SLC14A2: variants seen among roughly 807,000 people sequenced by gnomAD.
SLC14A2 encodes urea transporter 2.
A neutral mutation model predicts 104.6 loss-of-function variants in SLC14A2; 91 were observed. The ratio of observed to expected loss-of-function variants is 0.87; its 90% CI spans 0.73 to 1.04. SLC14A2 has a LOEUF of 1.04. SLC14A2 is among the 50% of genes least tolerant of loss of function. SLC14A2 has a pLI of 0.00. For missense variants in SLC14A2, 1,189 were observed against 1,156.0 expected (o/e 1.03, Z -0.41); for synonymous variants, 476 against 466.4 (o/e 1.02, Z -0.27).
At position 45,575,325 on chromosome 18, in the gene SLC14A2, C is replaced by T. The variant is rs146495517; in HGVS notation, c.-34-49306C>T. Among the ~76,000 whole-genome samples, 24 of 152,258 alleles carry T rather than the reference C, an allele frequency of 1.6e-4. No homozygotes were observed. The East Asian group carries it at 3.7e-3, about 23-fold the overall frequency. On this transcript the variant is annotated intron_variant, in intron 2 of 20. Transcript: ENST00000586448. ...TTTCTCCCCATGTTATAAGTTTCTC[C>T]CTTCTAGCTGGTGATGGAAGGGTCA...
the SLC14A2 span, among the ~76,000 whole-genome samples, chr18:45,202,614 T>G: frequency 1.3e-5 from 2 of 152,180 alleles, no homozygotes; most frequent in Non-Finnish European, 2.9e-5. Context: ...CTTCTAGTTT[T>G]AAGTTACTTC....
intron 10 of SLC14A2, among the ~76,000 whole-genome samples, chr18:45,648,722 T>C (rs1458807642): frequency 6.9e-6 from 1 of 145,174 alleles, no homozygotes; most frequent in African/African-American, 2.5e-5. Flanking sequence ...AGTTAACCTT[T>C]TCACATCTTA....
chr18:45,425,035 A>G lies in SLC14A2; in HGVS notation c.-124-58198A>G, dbSNP rs377201671. Among the ~76,000 whole-genome samples, 157 of 152,348 alleles carry G rather than the reference A, an allele frequency of 1.0e-3. 3 individuals carry two copies. The East Asian group carries it at 0.016, about 15-fold the overall frequency. ...AGAGCACCCATGTTTCACCAAGCAC[A>G]TCCCAGACATGGCTGCCTAATGGCA... is the stretch of plus-strand genomic sequence containing the variant. On this transcript the variant is annotated intron_variant, in intron 1 of 20. Coordinates refer to the SLC14A2 transcript ENST00000586448.
intron 1 of SLC14A2, chr18:45,435,148 T>C (rs2086576435): frequency 6.6e-6 from 1 of 152,230 alleles, no homozygotes; most frequent in Non-Finnish European, 1.5e-5. Flanking sequence ...TTCTCTGCAA[T>C]CAGGTCCTCT....
chr18:45,354,083 G>C (rs1305298037), intron 1 of SLC14A2, among the ~76,000 whole-genome samples: 1 of 151,992 alleles, frequency 6.6e-6, no homozygotes, highest in Admixed American at 6.5e-5. Context: ...TTTCGCAGGG[G>C]GTAGAGTTGA....
rs149041896 is a variant in SLC14A2, at chr18:45,433,597, G to A, written c.-124-49636G>A. ...CTGGGTTAAAAAGATCTAGAAAACTGGAAACAGGTGACACAATATCCAGCC... is the reference window on the plus strand; with the variant it reads ...CTGGGTTAAAAAGATCTAGAAAACTAGAAACAGGTGACACAATATCCAGCC... On this transcript the variant is annotated intron_variant, in intron 1 of 20. Transcript: ENST00000586448. Among the ~76,000 whole-genome samples the A allele has an allele frequency of 2.7e-3, 418 of 152,266 alleles. 2 individuals carry two copies. Among genetic ancestry groups the A allele is most frequent in the African/African-American group, 9.3e-3 (386 of 41,562 alleles).
chr18:45,279,539 TG>T (rs1283693084), intron 1 of SLC14A2, among the ~76,000 whole-genome samples: 4 of 152,078 alleles, frequency 2.6e-5, no homozygotes, highest in African/African-American at 9.7e-5. Flanking sequence ...TGGGTTTTGT[TG>T]GGGGGTGGGG....
chr18:45,195,220 G>A, the SLC14A2 span, among the ~76,000 whole-genome samples: 1 of 152,192 alleles, frequency 6.6e-6, no homozygotes, highest in East Asian at 1.9e-4. Flanking sequence ...TGTTTCATAA[G>A]GAGTGTAGAC....
chr18:45,506,712 C>A (rs1452277364), intron 2 of SLC14A2, among the ~76,000 whole-genome samples: 2 of 152,178 alleles, frequency 1.3e-5, no homozygotes, highest in African/African-American at 4.8e-5. Flanking sequence ...ATGGCCCTGC[C>A]AACACCTTAG....
At chr18:45,678,233 G>A (rs2046257735) in intron 18 of SLC14A2, among the ~76,000 whole-genome samples, 2 of 152,156 alleles carry the variant, frequency 1.3e-5, no homozygotes, top group Non-Finnish European at 2.9e-5. Flanking sequence ...TCACCTCTCT[G>A]AGCCTCAGTT....
intron 1 of SLC14A2, among the ~76,000 whole-genome samples, chr18:45,339,968 G>T (rs538976559): frequency 2.0e-5 from 3 of 152,346 alleles, no homozygotes; most frequent in Admixed American, 6.5e-5. Flanking sequence ...ACGTGAAGAA[G>T]CTGATGAAAC....
chr18:45,545,657 AGATCAT>A (rs1195706046), intron 2 of SLC14A2, among the ~76,000 whole-genome samples: 1 of 152,200 alleles, frequency 6.6e-6, no homozygotes, highest in Admixed American at 6.5e-5. Flanking sequence ...TTTTAACAGT[AGATCAT>A]GCTACACTTG....
intron 4 of SLC14A2, 113 bp downstream of exon 4, chr18:45,627,260 T>C (rs2045274556): frequency 3.4e-6 from 3 of 890,284 alleles, no homozygotes; most frequent in Non-Finnish European, 5.3e-6. Context: ...GTCTCCTGAG[T>C]ATCAACTTTA....
At chr18:45,320,829 C>T (rs1204894362) in intron 1 of SLC14A2, among the ~76,000 whole-genome samples, 3 of 152,236 alleles carry the variant, frequency 2.0e-5, no homozygotes, top group African/African-American at 7.2e-5. Flanking sequence ...GGATACATCG[C>T]TACAACACCC....
chr18:45,567,329 CAG>C (rs1463088894), intron 2 of SLC14A2, among the ~76,000 whole-genome samples: 7 of 152,062 alleles, frequency 4.6e-5, no homozygotes, highest in African/African-American at 1.7e-4. Flanking sequence ...CCCAGACAGA[CAG>C]AGTGTGGAAA....
chr18:45,496,096 G>C (rs1466383468), intron 2 of SLC14A2, among the ~76,000 whole-genome samples: 2 of 152,178 alleles, frequency 1.3e-5, no homozygotes, highest in Non-Finnish European at 2.9e-5. Flanking sequence ...AATGAGCAGA[G>C]ATGATTCCCA....
chr18:45,591,549 C>A lies in SLC14A2; in HGVS notation c.-34-33082C>A, dbSNP rs567956021. Among the ~76,000 whole-genome samples, 4 of 152,288 alleles carry A rather than the reference C, an allele frequency of 2.6e-5. No homozygotes were observed. The South Asian group carries it at 8.3e-4, about 32-fold the overall frequency. ...ACAGGGTTTCACCATCTTGGCCAGG[C>A]TGGTCTTGAACTCCTGACCTCGTGA... On this transcript the variant is annotated intron_variant, in intron 2 of 20. Coordinates refer to the SLC14A2 transcript ENST00000586448.
intron 1 of SLC14A2, among the ~76,000 whole-genome samples, chr18:45,229,772 T>G (rs1282949761): frequency 1.3e-5 from 2 of 152,172 alleles, no homozygotes; most frequent in African/African-American, 2.4e-5. Context: ...AAATCCTGCT[T>G]ACCAGTTCAA....
Position 45,667,967 on chromosome 18 carries a change from G to T in SLC14A2, c.1852G>T (p.Gly618Cys). The change falls in exon 14 of 20, where the codon GGC becomes TGC. Residue 618 changes from glycine (G) to cysteine (C), a missense_variant. By Grantham distance (159) the Gly-to-Cys change is radical (BLOSUM62 -3). Transcript: ENST00000255226. ...CCAGAACCCCTGGTGGGCGATCTCA[G>T]GCTGCCTGGGTACCATCATGTCCAC... ...FIQNPWWAIS[G>C]CLGTIMSTLT... 3 of 1,614,100 alleles carry T rather than the reference G, an allele frequency of 1.9e-6. No homozygotes were observed. The South Asian group carries it at 3.3e-5, about 18-fold the overall frequency.
Sources: allele counts gnomAD v4.1 joint callset (sites outside exome capture counted in the v4.1 genomes callset), GRCh38; gene constraint gnomAD v4.1.1; transcripts MANE v1.5; gene names NCBI Gene and HGNC (gene_info 2026-07-23, HGNC 2026-07-21).